Variants in RAB28 observed in about 807,000 individuals in gnomAD.
RAB28 encodes the protein ras-related protein Rab-28.
In RAB28, 24 loss-of-function variants were observed where a neutral mutation model predicts 31.7. That is an observed-to-expected ratio of 0.76 (90% CI 0.55 to 1.06). The LOEUF is 1.06. Among genes scored for constraint, RAB28 ranks in the 50% least tolerant of loss-of-function variants. The pLI, the probability that RAB28 is intolerant of heterozygous loss-of-function variation, is 0.00. For missense variants in RAB28, 254 were observed against 258.5 expected, an observed-to-expected ratio of 0.98 and a Z score of 0.12; for synonymous variants, 100 against 90.4, an observed-to-expected ratio of 1.11 and a Z score of -0.60.
chr4:13,439,273 TA>T (rs1430707546), intron 4 of RAB28, among the ~76,000 whole-genome samples: 3 of 152,246 alleles, frequency 2.0e-5, no homozygotes, highest in East Asian at 1.9e-4. Flanking sequence ...TTTGATGTAA[TA>T]TTTTTTTCTT....
At chr4:13,375,915 G>C (rs758094703) in intron 6 of RAB28, among the ~76,000 whole-genome samples, 3 of 152,116 alleles carry the variant, frequency 2.0e-5, no homozygotes, top group East Asian at 3.9e-4. Context: ...GAATGGGGTG[G>C]AAGAAATTGA....
intron 2 of RAB28, among the ~76,000 whole-genome samples, 155 bp from the exon 3 acceptor site, chr4:13,474,561 G>T (rs957530905): frequency 6.6e-6 from 1 of 151,504 alleles, no homozygotes; most frequent in East Asian, 1.9e-4. Context: ...TTGGAATTGC[G>T]AAAACAACGT....
intron 5 of RAB28, among the ~76,000 whole-genome samples, chr4:13,379,880 TTAAAG>T (rs2108881097): frequency 6.6e-6 from 1 of 152,228 alleles, no homozygotes; most frequent in Non-Finnish European, 1.5e-5. Flanking sequence ...ATTACAAGTC[TTAAAG>T]TAATTTCATA....
At chr4:13,474,256 T>A in intron 3 of RAB28, 62 bp downstream of exon 3, 2 of 1,075,046 alleles carry the variant, frequency 1.9e-6, no homozygotes, top group Middle Eastern at 2.0e-4. Flanking sequence ...GGGAGTAGAT[T>A]TGCATGTGTG....
chr4:13,460,253 G>C (rs1390284317), intron 4 of RAB28, among the ~76,000 whole-genome samples: 1 of 152,174 alleles, frequency 6.6e-6, no homozygotes, highest in Non-Finnish European at 1.5e-5. Flanking sequence ...CCAAGATCAA[G>C]GTACTGACGG....
intron 4 of RAB28, among the ~76,000 whole-genome samples, chr4:13,410,814 C>A (rs909290070): frequency 6.6e-6 from 1 of 151,978 alleles, no homozygotes; most frequent in African/African-American, 2.4e-5. Context: ...TAAGTAAAGT[C>A]TTTAGAACTT....
intron 4 of RAB28, among the ~76,000 whole-genome samples, chr4:13,453,814 G>C (rs544499280): frequency 1.3e-5 from 2 of 152,170 alleles, no homozygotes; most frequent in African/African-American, 4.8e-5. Context: ...GGACCTCTTT[G>C]GGTTAAATCT....
chr4:13,413,958 TCTC>T (rs1307004264), intron 4 of RAB28, among the ~76,000 whole-genome samples: 1 of 152,138 alleles, frequency 6.6e-6, no homozygotes, highest in African/African-American at 2.4e-5. Flanking sequence ...GGAGCTATTT[TCTC>T]CTCAAGTGAC....
At chr4:13,458,411 GA>G (rs987711286) in intron 4 of RAB28, among the ~76,000 whole-genome samples, 181 of 148,976 alleles carry the variant, frequency 1.2e-3, no homozygotes, top group Admixed American at 4.7e-3. Context: ...CAATTACAGA[GA>G]AAAAAAAATG....
At chr4:13,378,490 A>G (rs1212566611) in intron 5 of RAB28, among the ~76,000 whole-genome samples, 1 of 152,202 alleles carries the variant, frequency 6.6e-6, no homozygotes, top group South Asian at 2.1e-4. Flanking sequence ...CATCCACTGG[A>G]AAGTGAAGGA....
chr4:13,483,751 CAAGT>C (rs1716727172), intron 1 of RAB28, among the ~76,000 whole-genome samples: 2 of 152,204 alleles, frequency 1.3e-5, no homozygotes, highest in African/African-American at 4.8e-5. Context: ...ACCCAGACTA[CAAGT>C]AAGAGGAGCT....
chr4:13,376,075 G>GT (rs1003312417), intron 6 of RAB28, among the ~76,000 whole-genome samples: 1 of 151,954 alleles, frequency 6.6e-6, no homozygotes, highest in African/African-American at 2.4e-5. Flanking sequence ...CGCTATGCAT[G>GT]TTTTTTTCTT....
intron 6 of RAB28, among the ~76,000 whole-genome samples, chr4:13,374,376 T>A (rs1728839683): frequency 6.6e-6 from 1 of 152,152 alleles, no homozygotes; most frequent in Non-Finnish European, 1.5e-5. Flanking sequence ...ATAGTAACCC[T>A]GTTGATCTTG....
intron 4 of RAB28, among the ~76,000 whole-genome samples, chr4:13,434,871 T>C (rs1158475905): frequency 2.0e-5 from 3 of 151,472 alleles, no homozygotes; most frequent in African/African-American, 7.3e-5. Flanking sequence ...GTACAAAAAT[T>C]AGCCAGGCAT....
chr4:13,390,108 A>C (rs978918817), intron 4 of RAB28, among the ~76,000 whole-genome samples: 4 of 152,230 alleles, frequency 2.6e-5, no homozygotes, highest in African/African-American at 4.8e-5. Flanking sequence ...GAAAAGAGGA[A>C]GTCAAATTGT....
chr4:13,417,720 T>C (rs182417927), intron 4 of RAB28, among the ~76,000 whole-genome samples: 2 of 151,958 alleles, frequency 1.3e-5, no homozygotes, highest in East Asian at 1.9e-4. Flanking sequence ...AAAAAGGACA[T>C]CCACACCAAA....
At chr4:13,387,998 T>A (rs1577162450) in intron 4 of RAB28, among the ~76,000 whole-genome samples, 1 of 152,116 alleles carries the variant, frequency 6.6e-6, no homozygotes, top group Non-Finnish European at 1.5e-5. Context: ...TCATTCAGTA[T>A]TTTGTAACCC....
chr4:13,475,666 T>C (rs562815823), intron 2 of RAB28, among the ~76,000 whole-genome samples: 2 of 150,424 alleles, frequency 1.3e-5, no homozygotes, highest in East Asian at 1.9e-4. Flanking sequence ...TTAGCATTAA[T>C]GAGCGCTAAT....
At chr4:13,474,433 A>G in intron 2 of RAB28, 27 bp from the exon 3 acceptor site, 1 of 1,343,902 alleles carries the variant, frequency 7.4e-7, no homozygotes, top group Admixed American at 1.9e-5. Context: ...GAATATAAAA[A>G]TAAGAATACC....
Sources: gnomAD v4.1 joint callset for allele counts (sites outside exome capture counted in the v4.1 genomes callset) on GRCh38, gnomAD v4.1.1 for gene constraint, MANE v1.5 for transcripts, NCBI Gene and HGNC (gene_info 2026-07-23, HGNC 2026-07-21) for gene names.